TSPAN10: variants seen among roughly 807,000 people sequenced by gnomAD.
TSPAN10 encodes the protein tetraspanin-10.
Under a neutral mutation model 15.0 loss-of-function variants are expected in TSPAN10, and 11 were observed. The observed-to-expected ratio is 0.73, with a 90% confidence interval of 0.46 to 1.21. The LOEUF is 1.21. Among genes scored for constraint, TSPAN10 ranks in the 50% most tolerant of loss-of-function variants. TSPAN10 has a pLI of 0.00. For synonymous variants in TSPAN10, 241 were observed against 226.2 expected, an observed-to-expected ratio of 1.07 and a Z score of -0.59; for missense variants, 486 against 470.6, an observed-to-expected ratio of 1.03 and a Z score of -0.30.
chr17:81,642,384 G>T (rs7406219), upstream of TSPAN10: 636,821 of 1,612,176 alleles, frequency 0.4, 136,522 homozygotes, highest in East Asian at 0.76. Context: ...CGGCGCCTGT[G>T]CTGGGGGCTT....
intron 1 of TSPAN10, among the ~76,000 whole-genome samples, chr17:81,643,777 G>A (rs1048696193): frequency 1.3e-5 from 2 of 151,996 alleles, no homozygotes; most frequent in African/African-American, 2.4e-5. Context: ...AAACTGGATT[G>A]GAATGGGATC....
At chr17:81,644,330 T>C (rs1162967188) in intron 1 of TSPAN10, among the ~76,000 whole-genome samples, 1 of 102,580 alleles carries the variant, frequency 9.7e-6, no homozygotes, top group Non-Finnish European at 1.9e-5. Flanking sequence ...GGCACCCTCC[T>C]CCCTGTCCTG....
At chr17:81,645,117 C>T in exon 2 of TSPAN10, 1 of 1,585,868 alleles carries the variant, frequency 6.3e-7, no homozygotes, top group Non-Finnish European at 8.5e-7. Context: ...AGACCAAGCA[C>T]CAGGCCTTGA....
exon 3 of TSPAN10, chr17:81,647,963 A>G: frequency 6.2e-7 from 1 of 1,610,344 alleles, no homozygotes; most frequent in Non-Finnish European, 8.5e-7. Context: ...TGCTGCATCG[A>G]CCCCCGCGAA....
At chr17:81,644,872 C>T (rs1200851190) in intron 1 of TSPAN10, 120 bp from the exon 3 acceptor site, 11 of 1,408,798 alleles carry the variant, frequency 7.8e-6, no homozygotes, top group South Asian at 3.8e-5. Flanking sequence ...TGCTGCCCTC[C>T]GCCATCCGGC....
chr17:81,648,240 C>A, exon 3 of TSPAN10: 4 of 1,236,558 alleles, frequency 3.2e-6, no homozygotes, highest in Non-Finnish European at 4.0e-6. Flanking sequence ...ACCGCGCTGG[C>A]CCCCAGAGCC....
chr17:81,644,058 A>C lies in TSPAN10; in HGVS notation c.37-934A>C, dbSNP rs35570626. Among the ~76,000 whole-genome samples, 27 of 144,180 alleles carry C rather than the reference A, an allele frequency of 1.9e-4. 2 individuals carry two copies. Among genetic ancestry groups the C allele is most frequent in the African/African-American group, 6.2e-4 (24 of 38,622 alleles). 94.6% of individuals were successfully genotyped at this position (144,180 alleles called of 152,430 possible). A position where few individuals can be genotyped will look rare whatever the true frequency, so the allele number is the denominator to read the frequency against. ...GAGATGAGGTTTCTCCACGTTGCTC[A>C]GGCTGGTCTCGAATTCCCGACCTCA... is the stretch of plus-strand genomic sequence containing the variant. On this transcript the variant is annotated intron_variant, in intron 1 of 2. Coordinates refer to ENST00000611590, the Ensembl canonical transcript of TSPAN10.
At chr17:81,642,079 G>C (rs951560261), upstream of TSPAN10, among the ~76,000 whole-genome samples, 5 of 108,236 alleles carry the variant, frequency 4.6e-5, no homozygotes, top group African/African-American at 2.1e-4. Flanking sequence ...CGCATGGGGG[G>C]CTGCAGTGAG....
intron 2 of TSPAN10, chr17:81,645,982 CAG>C (rs1822467050): frequency 2.5e-6 from 1 of 395,766 alleles, no homozygotes; most frequent in Admixed American, 4.7e-5. Context: ...TCTATGGGCT[CAG>C]GGCCCCAATC....
upstream of TSPAN10, among the ~76,000 whole-genome samples, chr17:81,639,845 T>C (rs539190216): frequency 4.5e-4 from 68 of 151,770 alleles, no homozygotes; most frequent in African/African-American, 1.6e-3. Flanking sequence ...CCGGGCGTGG[T>C]GGCGGGTGCC....
In TSPAN10 at chr17:81,645,378, C is replaced by A. The variant is rs532564510; in HGVS notation, c.423C>A (p.Gly141=). 6.9e-6 allele frequency: 11 copies of A among 1,596,612 alleles called. No individual in the cohort carries two copies. The African/African-American group carries it at 8.1e-5, about 12-fold the overall frequency. Residue 141 remains glycine, a synonymous_variant, in exon 2 of 3, where the codon GGC becomes GGA. Transcript: ENST00000611590. ...CAGTGAGCCTGGCTGGCTACCTGGG[C>A]GCCCTCTGTGAGAACACCTGCCTGT...
At chr17:81,647,870 G>A (rs564229104) in intron 2 of TSPAN10, 31 bp from the exon 4 acceptor site, 9 of 1,583,894 alleles carry the variant, frequency 5.7e-6, no homozygotes, top group African/African-American at 4.0e-5. Context: ...GGCCCTCCCC[G>A]CCAGAACTGA....
At chr17:81,648,152 T>A in exon 3 of TSPAN10, 6 of 1,480,452 alleles carry the variant, frequency 4.1e-6, no homozygotes, top group Non-Finnish European at 5.3e-6. Flanking sequence ...GGCGCGGAGC[T>A]CCTGCTGGCC....
intron 2 of TSPAN10, 108 bp downstream of exon 3, chr17:81,645,737 GCCCA>G: frequency 1.4e-6 from 2 of 1,405,114 alleles, no homozygotes; most frequent in Non-Finnish European, 2.0e-6. Flanking sequence ...ATTCGTGCAT[GCCCA>G]CATGCATGCA....
intron 2 of TSPAN10, chr17:81,647,582 C>CGGA: frequency 1.6e-6 from 1 of 609,394 alleles, no homozygotes; most frequent in East Asian, 3.4e-5. Flanking sequence ...GCAGCCTCTG[C>CGGA]GGAGGGAGGT....
chr17:81,640,615 A>AT (rs1392298876), upstream of TSPAN10, among the ~76,000 whole-genome samples: 1 of 151,826 alleles, frequency 6.6e-6, no homozygotes, highest in Non-Finnish European at 1.5e-5. Flanking sequence ...TGCCCAGCTA[A>AT]TTTTTTGTAC....
upstream of TSPAN10, chr17:81,642,188 A>G (rs2036184287): frequency 1.9e-6 from 1 of 517,988 alleles, no homozygotes; most frequent in African/African-American, 1.9e-5. Flanking sequence ...ATATCTCCAC[A>G]AGCAGAGGCC....
upstream of TSPAN10, among the ~76,000 whole-genome samples, chr17:81,640,740 G>A (rs893051844): frequency 3.0e-4 from 45 of 152,188 alleles, no homozygotes; most frequent in African/African-American, 9.9e-4. Flanking sequence ...GAGCTACCGC[G>A]CCCAGCCCCT....
upstream of TSPAN10, among the ~76,000 whole-genome samples, chr17:81,639,624 G>A (rs1165520982): frequency 3.3e-5 from 5 of 151,536 alleles, no homozygotes; most frequent in African/African-American, 9.7e-5. Flanking sequence ...TTGGCCGGGC[G>A]CGGTGGCTCA....
Sources: allele counts gnomAD v4.1 joint callset (sites outside exome capture counted in the v4.1 genomes callset), GRCh38; gene constraint gnomAD v4.1.1; transcripts MANE v1.5; gene names NCBI Gene and HGNC (gene_info 2026-07-23, HGNC 2026-07-21).